BIN3: variants seen among roughly 807,000 people sequenced by gnomAD.
BIN3 encodes bridging integrator 3.
In BIN3, 41 loss-of-function variants were observed where a neutral mutation model predicts 38.2. That is an observed-to-expected ratio of 1.07 (90% CI 0.84 to 1.39). BIN3 has a LOEUF of 1.39. Among genes scored for constraint, BIN3 ranks in the 40% most tolerant of loss-of-function variants. The pLI, the probability that BIN3 is intolerant of heterozygous loss-of-function variation, is 0.00. For synonymous variants in BIN3, 145 were observed against 122.6 expected, an observed-to-expected ratio of 1.18 and a Z score of -1.21; for missense variants, 361 against 324.3, an observed-to-expected ratio of 1.11 and a Z score of -0.87.
intron 6 of BIN3, among the ~76,000 whole-genome samples, chr8:22,629,220 C>T (rs1390666077): frequency 6.6e-6 from 1 of 152,166 alleles, no homozygotes; most frequent in African/African-American, 2.4e-5. Context: ...ATTACCCGGC[C>T]CTGGCAAGGC....
intron 6 of BIN3, among the ~76,000 whole-genome samples, chr8:22,628,083 G>C (rs959555184): frequency 6.6e-6 from 1 of 152,252 alleles, no homozygotes; most frequent in Non-Finnish European, 1.5e-5. Flanking sequence ...AGGTGAGCGA[G>C]GCCGGCTGGG....
chr8:22,630,151 A>G, intron 5 of BIN3, 147 bp from the exon 6 acceptor site: 1 of 1,021,130 alleles, frequency 9.8e-7, no homozygotes, highest in Non-Finnish European at 1.5e-6. Context: ...CTCAGGGTGG[A>G]GGCCGGGTGG....
chr8:22,665,675 G>C (rs1202112025), intron 1 of BIN3, among the ~76,000 whole-genome samples: 1 of 152,234 alleles, frequency 6.6e-6, no homozygotes, highest in African/African-American at 2.4e-5. Flanking sequence ...GGAGAAGCTT[G>C]GAGGATGGAA....
At chr8:22,633,471 G>A (rs1477682446) in intron 4 of BIN3, among the ~76,000 whole-genome samples, 1 of 152,216 alleles carries the variant, frequency 6.6e-6, no homozygotes, top group Non-Finnish European at 1.5e-5. Flanking sequence ...TGAGGGTCTT[G>A]GACCCCACCC....
At chr8:22,644,626 A>G (rs1802658021) in intron 2 of BIN3, 129 bp downstream of exon 2, 8 of 835,984 alleles carry the variant, frequency 9.6e-6, no homozygotes, top group South Asian at 8.7e-5. Context: ...CTAGATCCGC[A>G]TAAGCAGGAA....
At chr8:22,658,906 G>T (rs754276973) in intron 1 of BIN3, among the ~76,000 whole-genome samples, 2 of 152,190 alleles carry the variant, frequency 1.3e-5, no homozygotes, top group African/African-American at 4.8e-5. Flanking sequence ...TCACTGTCTC[G>T]GCAAGAGCAG....
chr8:22,633,464 G>A (rs553160599), intron 4 of BIN3, among the ~76,000 whole-genome samples: 18 of 152,340 alleles, frequency 1.2e-4, no homozygotes, highest in African/African-American at 4.1e-4. Context: ...GAGAAAGTGA[G>A]GGTCTTGGAC....
intron 6 of BIN3, among the ~76,000 whole-genome samples, chr8:22,628,240 T>C (rs529012858): frequency 1.3e-5 from 2 of 152,270 alleles, no homozygotes; most frequent in East Asian, 3.9e-4. Flanking sequence ...GACTGGGGAT[T>C]AGAGGCCGAG....
At chr8:22,640,976 G>T (rs575251147) in intron 2 of BIN3, among the ~76,000 whole-genome samples, 1 of 152,144 alleles carries the variant, frequency 6.6e-6, no homozygotes, top group African/African-American at 2.4e-5. Context: ...CGGCCGGGGT[G>T]GGTTGCTTCT....
chr8:22,657,863 G>C (rs1264856741), intron 1 of BIN3, among the ~76,000 whole-genome samples: 2 of 152,208 alleles, frequency 1.3e-5, no homozygotes, highest in Admixed American at 1.3e-4. Flanking sequence ...GGAGGGCATG[G>C]GGCAACAGCG....
chr8:22,650,622 G>A (rs547131590), intron 1 of BIN3, among the ~76,000 whole-genome samples: 2 of 152,210 alleles, frequency 1.3e-5, no homozygotes, highest in East Asian at 3.9e-4. Context: ...TAAGTAAAAC[G>A]TTAGTTCCCA....
rs1247572596 is a variant in BIN3, at chr8:22,624,297, G to A, written c.405C>T (p.Tyr135=). The change falls in exon 7 of 9, where the codon TAC becomes TAT. Residue 135 remains tyrosine (Y), a synonymous_variant. Coordinates refer to ENST00000276416, the MANE Select transcript of BIN3 (RefSeq NM_018688.6). The part of the protein sequence containing the change: ...VKRREQALQD[Y]RRLQAKVEKY... ...TCTCCACCTTGGCCTGCAGCCTCCT[G>A]TAGTCCTGCAAGGCCTGTTCCCGCC... 2 of 1,613,832 alleles carry A rather than the reference G, an allele frequency of 1.2e-6. No individual in the cohort carries two copies. The highest frequency in any genetic ancestry group is 1.7e-6 in the Non-Finnish European group (2 of 1,179,890).
rs796246939 is a variant in BIN3 at position 22,646,819 on chromosome 8, C to T, written c.9-2016G>A. Among the ~76,000 whole-genome samples, 8 of 152,324 alleles carry T rather than the reference C, an allele frequency of 5.3e-5. No homozygotes were observed. In the South Asian group the frequency reaches 1.5e-3, roughly 28 times the overall value. ...TTACTTTTCCCATTCTCAGGGATTA[C>T]AGCTGACAGACAGGATGGTTTTTGG... On this transcript the variant is annotated intron_variant, in intron 1 of 8. Coordinates refer to ENST00000276416, the MANE Select transcript of BIN3 (RefSeq NM_018688.6).
intron 8 of BIN3, among the ~76,000 whole-genome samples, chr8:22,622,955 G>A (rs1460830975): frequency 6.6e-6 from 1 of 152,214 alleles, no homozygotes; most frequent in Non-Finnish European, 1.5e-5. Context: ...CCTGACTGGG[G>A]CAGGTGGCCA....
chr8:22,623,309 C>G (rs796298531), intron 8 of BIN3, among the ~76,000 whole-genome samples: 6 of 152,168 alleles, frequency 3.9e-5, no homozygotes, highest in South Asian at 2.1e-4. Flanking sequence ...CTCCCGTCCC[C>G]GAGTGGAAGG....
chr8:22,643,021 C>T lies in BIN3; in HGVS notation c.57+1734G>A, dbSNP rs182981949. Among the ~76,000 whole-genome samples the T allele has an allele frequency of 2.0e-5, 3 of 152,364 alleles. No homozygotes were observed. In the East Asian group the frequency reaches 5.8e-4, roughly 29 times the overall value. ...ACTGGCAAAGCAGCTGGTTTGTCTA[C>T]ACTTTCTGTGGAGAACAAAGTTCAT... On this transcript the variant is annotated intron_variant, in intron 2 of 8. Transcript: ENST00000276416.
chr8:22,647,015 G>C (rs981288801), intron 1 of BIN3, among the ~76,000 whole-genome samples: 18 of 152,192 alleles, frequency 1.2e-4, no homozygotes, highest in African/African-American at 4.1e-4. Flanking sequence ...CCCGGTATCA[G>C]AAAACGTGGC....
At chr8:22,634,059 G>A (rs1282439370) in intron 4 of BIN3, among the ~76,000 whole-genome samples, 2 of 152,236 alleles carry the variant, frequency 1.3e-5, no homozygotes, top group Non-Finnish European at 2.9e-5. Context: ...GCAAGCCACT[G>A]TGAACACAGC....
intron 1 of BIN3, among the ~76,000 whole-genome samples, chr8:22,655,264 G>A (rs1328647560): frequency 6.6e-6 from 1 of 152,048 alleles, no homozygotes; most frequent in Non-Finnish European, 1.5e-5. Flanking sequence ...CTTTGAAGCA[G>A]AAAGTTTTAA....
Sources: gnomAD v4.1 joint callset for allele counts (sites outside exome capture counted in the v4.1 genomes callset) on GRCh38, gnomAD v4.1.1 for gene constraint, MANE v1.5 for transcripts, NCBI Gene and HGNC (gene_info 2026-07-23, HGNC 2026-07-21) for gene names.